CCDC7: variants seen among roughly 807,000 people sequenced by gnomAD.
CCDC7 encodes coiled-coil domain containing 7.
CCDC7 carries 183 observed loss-of-function variants against 196.9 expected under a neutral mutation model. The observed-to-expected ratio is 0.93, with a 90% CI of 0.82 to 1.05. The LOEUF (loss-of-function observed/expected upper bound fraction) is 1.05, where lower values mean the gene tolerates loss of function less well. Among genes scored for constraint, CCDC7 ranks in the 50% least tolerant of loss-of-function variants. CCDC7 has a pLI of 0.00. For missense variants in CCDC7, 1,540 were observed against 1,482.2 expected, an observed-to-expected ratio of 1.04 and a Z score of -0.64; for synonymous variants, 525 against 484.6, an observed-to-expected ratio of 1.08 and a Z score of -1.10.
chr10:32,561,646 A>G (rs1236277668), intron 13 of CCDC7, among the ~76,000 whole-genome samples: 3 of 152,238 alleles, frequency 2.0e-5, no homozygotes, highest in Non-Finnish European at 4.4e-5. Context: ...GACACATTCA[A>G]CGCAGTGTGT....
At chr10:32,641,172 G>T (rs1199563368) in intron 20 of CCDC7, among the ~76,000 whole-genome samples, 1 of 152,132 alleles carries the variant, frequency 6.6e-6, no homozygotes, top group East Asian at 1.9e-4. Context: ...GGCGTTCTCT[G>T]TATTTCCTGA....
intron 29 of CCDC7, among the ~76,000 whole-genome samples, 195 bp from the exon 31 acceptor site, chr10:32,804,820 A>C (rs1452983720): frequency 6.6e-6 from 1 of 152,096 alleles, no homozygotes; most frequent in Non-Finnish European, 1.5e-5. Context: ...CAATACACTA[A>C]GGCTTATATG....
chr10:32,500,601 G>T (rs1482091386), intron 9 of CCDC7, among the ~76,000 whole-genome samples: 1 of 151,694 alleles, frequency 6.6e-6, no homozygotes, highest in South Asian at 2.1e-4. Flanking sequence ...CATCCCAGAC[G>T]ATGGGCGGCC....
At chr10:32,819,825 A>C (rs940221817) in intron 31 of CCDC7, among the ~76,000 whole-genome samples, 9 of 152,226 alleles carry the variant, frequency 5.9e-5, no homozygotes, top group Admixed American at 3.3e-4. Context: ...TCAAAATAAT[A>C]AGAGCTATCT....
chr10:32,859,293 C>A (rs1042137704), intron 41 of CCDC7, among the ~76,000 whole-genome samples: 1 of 152,132 alleles, frequency 6.6e-6, no homozygotes, highest in East Asian at 1.9e-4. Context: ...TACATGGAAA[C>A]TGAACAACCT....
intron 28 of CCDC7, among the ~76,000 whole-genome samples, chr10:32,736,062 G>C (rs1374852217): frequency 6.6e-6 from 1 of 152,008 alleles, no homozygotes; most frequent in East Asian, 1.9e-4. Flanking sequence ...GATTTCTGTA[G>C]GGCTACAGGA....
chr10:32,697,807 C>G (rs1716666909), intron 24 of CCDC7, among the ~76,000 whole-genome samples: 1 of 152,182 alleles, frequency 6.6e-6, no homozygotes, highest in Non-Finnish European at 1.5e-5. Flanking sequence ...TGTCTGACAG[C>G]TTTGAAGACA....
intron 28 of CCDC7, among the ~76,000 whole-genome samples, chr10:32,775,764 T>A (rs2079919975): frequency 6.6e-6 from 1 of 152,202 alleles, no homozygotes; most frequent in Non-Finnish European, 1.5e-5. Flanking sequence ...TGAATATATG[T>A]CTTAAACTAT....
exon 42 of CCDC7, chr10:32,876,353 A>G: frequency 6.2e-7 from 1 of 1,610,694 alleles, no homozygotes; most frequent in Non-Finnish European, 8.5e-7. Context: ...AAAGTGTTAC[A>G]TGCTGCTGCC....
intron 24 of CCDC7, among the ~76,000 whole-genome samples, chr10:32,695,718 A>T (rs944849913): frequency 2.6e-5 from 4 of 152,162 alleles, no homozygotes; most frequent in African/African-American, 9.7e-5. Flanking sequence ...GAGGACATTA[A>T]AGGTGTAATG....
chr10:32,500,263 C>T (rs112382365), intron 9 of CCDC7, among the ~76,000 whole-genome samples: 21,350 of 151,046 alleles, frequency 0.14, 1,671 homozygotes, highest in African/African-American at 0.23. Flanking sequence ...GGCGGCTGCC[C>T]GGTGGAGACG....
intron 24 of CCDC7, among the ~76,000 whole-genome samples, chr10:32,705,203 A>C (rs374553411): frequency 6.6e-6 from 1 of 152,132 alleles, no homozygotes; most frequent in Non-Finnish European, 1.5e-5. Flanking sequence ...CCACAATTAC[A>C]TATCCATCCA....
chr10:32,654,243 C>T (rs1166936127), intron 20 of CCDC7, among the ~76,000 whole-genome samples: 2 of 152,036 alleles, frequency 1.3e-5, no homozygotes, highest in Non-Finnish European at 2.9e-5. Context: ...ATATGATTCC[C>T]TTTAGTTATT....
At chr10:32,524,755 T>G (rs573055343) in intron 11 of CCDC7, among the ~76,000 whole-genome samples, 1 of 152,308 alleles carries the variant, frequency 6.6e-6, no homozygotes, top group African/African-American at 2.4e-5. Context: ...CAGACATATT[T>G]GAGGTCTATT....
intron 31 of CCDC7, among the ~76,000 whole-genome samples, chr10:32,823,978 C>T (rs1385774240): frequency 6.6e-6 from 1 of 152,082 alleles, no homozygotes; most frequent in Non-Finnish European, 1.5e-5. Flanking sequence ...ATTATAGTTA[C>T]ACCACCTAAA....
At chr10:32,637,703 G>A (rs111763690) in intron 20 of CCDC7, among the ~76,000 whole-genome samples, 1 of 152,064 alleles carries the variant, frequency 6.6e-6, no homozygotes, top group Non-Finnish European at 1.5e-5. Flanking sequence ...GAATTGACTT[G>A]GTGATGTGGG....
intron 18 of CCDC7, among the ~76,000 whole-genome samples, chr10:32,587,912 A>G (rs566739174): frequency 2.6e-5 from 4 of 152,308 alleles, no homozygotes; most frequent in African/African-American, 9.6e-5. Flanking sequence ...CATGTGCTGG[A>G]AACTTGGTCC....
chr10:32,568,022 T>TGAGA, intron 15 of CCDC7, 131 bp downstream of exon 16: 2 of 1,033,432 alleles, frequency 1.9e-6, no homozygotes, highest in Non-Finnish European at 2.6e-6. Context: ...TTTTTTTTTT[T>TGAGA]TTTGAGATGG....
chr10:32,828,475 AAG>A (rs1593207493), intron 32 of CCDC7, among the ~76,000 whole-genome samples: 1 of 93,912 alleles, frequency 1.1e-5, no homozygotes, highest in Non-Finnish European at 2.4e-5. Flanking sequence ...GAGGAAGAGG[AAG>A]AGGAAGAGGA....
Sources: allele counts gnomAD v4.1 joint callset (sites outside exome capture counted in the v4.1 genomes callset), GRCh38; gene constraint gnomAD v4.1.1; transcripts MANE v1.5; gene names NCBI Gene and HGNC (gene_info 2026-07-23, HGNC 2026-07-21).